Variants in ZC3HC1 observed in about 807,000 individuals in gnomAD.
ZC3HC1 encodes the protein zinc finger C3HC-type protein 1.
Under a neutral mutation model 61.9 loss-of-function variants are expected in ZC3HC1, and 38 were observed. That is an observed-to-expected ratio of 0.61 (90% CI 0.47 to 0.81). The LOEUF (loss-of-function observed/expected upper bound fraction) is 0.81, where lower values mean the gene tolerates loss of function less well. Among genes scored for constraint, ZC3HC1 ranks in the 30% least tolerant of loss-of-function variants. The pLI is 0.00. For synonymous variants in ZC3HC1, 213 were observed against 229.9 expected, an observed-to-expected ratio of 0.93 and a Z score of 0.67; for missense variants, 554 against 622.7, an observed-to-expected ratio of 0.89 and a Z score of 1.17.
At chr7:130,040,643 A>G (rs1265725302) in intron 3 of ZC3HC1, among the ~76,000 whole-genome samples, 1 of 136,670 alleles carries the variant, frequency 7.3e-6, no homozygotes, top group African/African-American at 3.1e-5. Context: ...CCACCTCTAC[A>G]AAAAAAAAAC....
intron 4 of ZC3HC1, among the ~76,000 whole-genome samples, chr7:130,032,094 G>C (rs1325097639): frequency 2.0e-5 from 3 of 151,978 alleles, no homozygotes; most frequent in Non-Finnish European, 4.4e-5. Context: ...CATGGTGGTG[G>C]GTGCCTGTAA....
chr7:130,026,967 A>T (rs570003944), intron 5 of ZC3HC1: 8 of 140,676 alleles, frequency 5.7e-5, no homozygotes, highest in African/African-American at 2.1e-4. Context: ...AAGACTCCGT[A>T]TCAAAAAAAA....
chr7:130,040,291 A>C (rs1003273225), intron 3 of ZC3HC1, among the ~76,000 whole-genome samples: 2 of 149,512 alleles, frequency 1.3e-5, no homozygotes, highest in African/African-American at 4.9e-5. Flanking sequence ...TCAGGAGATC[A>C]AGACCATCCT....
At position 130,025,634 on chromosome 7, in the gene ZC3HC1, C is replaced by T. The variant is rs550283620; in HGVS notation, c.776+524G>A. On this transcript the variant is annotated intron_variant, in intron 6 of 9. Coordinates refer to ENST00000358303, the MANE Select transcript of ZC3HC1 (RefSeq NM_016478.5). ...CTGTAATCCCAGCACTTTGGGAGGC[C>T]GAGGCAGGCAGAACACGAGGTCAGG... Among the ~76,000 whole-genome samples, 8 of 151,770 alleles carry T rather than the reference C, an allele frequency of 5.3e-5. 1 individual carries two copies. The South Asian group carries it at 6.3e-4, about 12-fold the overall frequency.
At chr7:130,043,173 A>T in intron 2 of ZC3HC1, among the ~76,000 whole-genome samples, 1 of 152,002 alleles carries the variant, frequency 6.6e-6, no homozygotes, top group Non-Finnish European at 1.5e-5. Context: ...GCTATTGGGG[A>T]GGCTGAGGCA....
chr7:130,027,549 C>T (rs1227083307), intron 5 of ZC3HC1, among the ~76,000 whole-genome samples: 1 of 152,042 alleles, frequency 6.6e-6, no homozygotes, highest in Non-Finnish European at 1.5e-5. Flanking sequence ...GATGGAGTTT[C>T]GCTCTTGTTG....
chr7:130,041,189 G>GTT, intron 2 of ZC3HC1, 88 bp from the exon 3 acceptor site: 100 of 1,087,806 alleles, frequency 9.2e-5, no homozygotes, highest in South Asian at 2.5e-4. Flanking sequence ...TACACATACT[G>GTT]TTTTTTTTTT....
rs1795066947 is a variant in ZC3HC1, at chr7:130,051,295, G to A, written c.72C>T (p.Ser24=). 3 of 1,613,020 alleles carry A rather than the reference G, an allele frequency of 1.9e-6. No individual in the cohort carries two copies. Among genetic ancestry groups the A allele is most frequent in the Non-Finnish European group, 2.5e-6 (3 of 1,179,520 alleles). Residue 24 remains serine (S), a synonymous_variant, in exon 1 of 10, where the codon TCC becomes TCT. Coordinates refer to ENST00000358303, the MANE Select transcript of ZC3HC1 (RefSeq NM_016478.5). ...GGATTTTCTGGGGGGTCCCTTCTGG[G>A]GAGCGAACTACTGCACCCCAATTCT... ...VEKNWGAVVR[S]PEGTPQKIRQ...
intron 2 of ZC3HC1, chr7:130,043,973 A>T (rs1584594082): frequency 2.5e-6 from 1 of 393,632 alleles, no homozygotes; most frequent in African/African-American, 2.1e-5. Context: ...GAATCCTGTG[A>T]TGTACAATTG....
At chr7:130,039,375 G>T in intron 4 of ZC3HC1, 89 bp downstream of exon 4, 3 of 1,070,014 alleles carry the variant, frequency 2.8e-6, no homozygotes, top group East Asian at 2.5e-5. Flanking sequence ...GAAAAAGAAA[G>T]TTCAAAGACT....
At chr7:130,042,125 A>AGG (rs1584591501) in intron 2 of ZC3HC1, among the ~76,000 whole-genome samples, 2 of 151,854 alleles carry the variant, frequency 1.3e-5, no homozygotes, top group South Asian at 2.1e-4. Flanking sequence ...CAACACGGCG[A>AGG]CACCTCATCT....
Position 130,023,397 on chromosome 7 carries a change from G to A in ZC3HC1, c.1233+114C>T. On this transcript the variant is annotated intron_variant, in intron 8 of 9. Coordinates refer to ENST00000358303, the MANE Select transcript of ZC3HC1 (RefSeq NM_016478.5). The surrounding 1 kb of genome is among the most constrained non-coding windows in gnomAD (Gnocchi z 4.2). ...ATCCAACTTTAAATTTATTCACATG[G>A]TCTACTTTTTGCATTGGACCACGGA... The A allele has an allele frequency of 1.0e-6, 1 of 991,298 alleles. No homozygotes were observed. Among genetic ancestry groups the A allele is most frequent in the Non-Finnish European group, 1.5e-6 (1 of 665,576 alleles). 61.4% of individuals were successfully genotyped at this position (991,298 alleles called of 1,614,324 possible).
At chr7:130,045,523 T>C in intron 2 of ZC3HC1, 1 of 457,540 alleles carries the variant, frequency 2.2e-6, no homozygotes. Context: ...AGAGAAGAAT[T>C]TGCCATTTTC....
intron 9 of ZC3HC1, among the ~76,000 whole-genome samples, chr7:130,019,233 A>G (rs6958158): frequency 0.087 from 13,206 of 151,958 alleles, 715 homozygotes; most frequent in African/African-American, 0.15. Flanking sequence ...TATTTTTAGT[A>G]GAGATGGGGG....
chr7:130,028,927 A>T lies in ZC3HC1; in HGVS notation c.596T>A (p.Leu199Gln), dbSNP rs1395644068. 3.7e-6 allele frequency: 6 copies of T among 1,613,506 alleles called. No individual in the cohort carries two copies. Among genetic ancestry groups the T allele is most frequent in the Non-Finnish European group, 5.1e-6 (6 of 1,179,678 alleles). The part of the protein sequence containing the change: ...LCHLDLQLPS[L>Q]RPEDLKTMCL... ...CATAGTTTTCAAGTCCTCCGGCCTT[A>T]GGGAAGGAAGCTGGAGGTCCAAGTG... The change falls in exon 5 of 10, where the codon CTA (leucine) becomes CAA (glutamine). Residue 199 changes from leucine to glutamine, a missense_variant. Coordinates refer to ENST00000358303, the MANE Select transcript of ZC3HC1 (RefSeq NM_016478.5).
At chr7:130,050,529 G>T (rs1444050611) in intron 1 of ZC3HC1, 3 of 1,427,542 alleles carry the variant, frequency 2.1e-6, no homozygotes, top group East Asian at 5.4e-5. Flanking sequence ...AACTTGGATG[G>T]GTAAAAATGA....
At chr7:130,030,324 T>C (rs1478304418) in intron 4 of ZC3HC1, among the ~76,000 whole-genome samples, 1 of 151,210 alleles carries the variant, frequency 6.6e-6, no homozygotes, top group Middle Eastern at 3.2e-3. Flanking sequence ...CTCAGCCTCC[T>C]GAGTAGCCGG....
rs1171075037 is a variant in ZC3HC1 at position 130,018,330 on chromosome 7, CTAGGA to C, written c.*329_*333del. ...TTTATTAATACACACTGTCATAGTC[CTAGGA>C]TAGAAGAGTCCTCAGAACACTGCTC... On this transcript the variant is annotated 3_prime_UTR_variant, in exon 10 of 10. Coordinates refer to ENST00000358303, the MANE Select transcript of ZC3HC1 (RefSeq NM_016478.5). 4 of 232,582 alleles carry C rather than the reference CTAGGA, an allele frequency of 1.7e-5. No homozygotes were observed. The highest frequency in any genetic ancestry group is 3.3e-5 in the Non-Finnish European group (4 of 120,904). 14.4% of individuals were successfully genotyped at this position (232,582 alleles called of 1,614,324 possible).
intron 4 of ZC3HC1, among the ~76,000 whole-genome samples, chr7:130,034,388 G>A (rs1409303967): frequency 1.3e-5 from 2 of 149,238 alleles, no homozygotes; most frequent in African/African-American, 2.5e-5. Flanking sequence ...GGTTGGCTGA[G>A]GCAGAAGAAT....
Sources: gnomAD v4.1 joint callset for allele counts (sites outside exome capture counted in the v4.1 genomes callset) on GRCh38, gnomAD v4.1.1 for gene constraint, Gnocchi (gnomAD v3.1) non-coding constraint, MANE v1.5 for transcripts, NCBI Gene and HGNC (gene_info 2026-07-23, HGNC 2026-07-21) for gene names.